The following CDK14 variants were observed in gnomAD, a reference collection of about 807,000 sequenced individuals.
CDK14 encodes the protein cyclin dependent kinase 14.
CDK14 carries 34 observed loss-of-function variants against 60.7 expected under a neutral mutation model. The observed-to-expected ratio is 0.56, with a 90% CI of 0.43 to 0.75. The LOEUF (loss-of-function observed/expected upper bound fraction) is 0.75. Among genes scored for constraint, CDK14 ranks in the 30% least tolerant of loss-of-function variants. The pLI, the probability that CDK14 is intolerant of heterozygous loss-of-function variation, is 0.00. For missense variants in CDK14, 482 were observed against 564.1 expected (o/e 0.85, Z 1.47); for synonymous variants, 197 against 203.7 (o/e 0.97, Z 0.28).
chr7:90,624,733 A>G (rs1464033360), intron 2 of CDK14, among the ~76,000 whole-genome samples: 5 of 152,224 alleles, frequency 3.3e-5, no homozygotes, highest in Non-Finnish European at 7.3e-5. Flanking sequence ...ACCACTTAGT[A>G]GCTTTGTTAC....
chr7:91,094,601 T>G (rs138451171), intron 12 of CDK14, among the ~76,000 whole-genome samples: 1 of 152,278 alleles, frequency 6.6e-6, no homozygotes, highest in East Asian at 1.9e-4. Flanking sequence ...TTTTCCTGTC[T>G]TCAGTTATTT....
chr7:90,757,706 T>G (rs1804140355), intron 4 of CDK14, among the ~76,000 whole-genome samples: 1 of 151,910 alleles, frequency 6.6e-6, no homozygotes, highest in African/African-American at 2.4e-5. Context: ...GCTTAACCGA[T>G]TCTCATGCCT....
intron 12 of CDK14, among the ~76,000 whole-genome samples, chr7:91,095,893 A>G (rs1798969259): frequency 6.6e-6 from 1 of 152,022 alleles, no homozygotes; most frequent in Admixed American, 6.6e-5. Flanking sequence ...TATTTTAATA[A>G]CAAAAATGTT....
At chr7:91,032,365 T>C (rs1213562818) in intron 10 of CDK14, among the ~76,000 whole-genome samples, 2 of 152,078 alleles carry the variant, frequency 1.3e-5, no homozygotes, top group African/African-American at 4.8e-5. Context: ...CTGTAGTAGG[T>C]TAAATAATGG....
chr7:90,985,549 C>T (rs969181396), intron 10 of CDK14, among the ~76,000 whole-genome samples: 4 of 152,192 alleles, frequency 2.6e-5, no homozygotes, highest in South Asian at 4.1e-4. Flanking sequence ...CAGAGTTAGA[C>T]AAATTAAGTA....
At chr7:90,656,675 G>A (rs751957959) in intron 2 of CDK14, among the ~76,000 whole-genome samples, 3 of 152,108 alleles carry the variant, frequency 2.0e-5, no homozygotes, top group Admixed American at 6.6e-5. Context: ...ACCGCGCCCC[G>A]CCTTCTCCTT....
chr7:90,801,067 C>G (rs555599580), intron 5 of CDK14, among the ~76,000 whole-genome samples: 1 of 152,316 alleles, frequency 6.6e-6, no homozygotes, highest in East Asian at 1.9e-4. Context: ...GCCCCATTTG[C>G]AAATAAGGTC....
chr7:90,967,001 A>G (rs1201170395), intron 9 of CDK14, among the ~76,000 whole-genome samples: 2 of 151,818 alleles, frequency 1.3e-5, no homozygotes, highest in African/African-American at 4.8e-5. Flanking sequence ...CACTTGGGAG[A>G]AGACAAATGC....
chr7:90,629,147 G>A, intron 2 of CDK14, among the ~76,000 whole-genome samples: 1 of 152,106 alleles, frequency 6.6e-6, no homozygotes, highest in Admixed American at 6.5e-5. Context: ...ACAAATGATA[G>A]TTATTATTAA....
rs142939944 is a variant in CDK14, at chr7:90,665,514, A to C, written c.124-61053A>C. ...AAATCCCCAGTAAGGCTGTGAGGGT[A>C]CAGTTTTTAACCTCAGTTTCAGTCC... is the stretch of plus-strand genomic sequence containing the variant. On this transcript the variant is annotated intron_variant, in intron 2 of 14. Transcript: ENST00000380050. 3.2e-4 allele frequency among the ~76,000 whole-genome samples: 48 copies of C among 152,296 alleles called. No homozygotes were observed. The East Asian group carries it at 8.9e-3, about 28-fold the overall frequency.
chr7:90,990,276 T>C (rs1795493623), intron 10 of CDK14, among the ~76,000 whole-genome samples: 1 of 152,144 alleles, frequency 6.6e-6, no homozygotes, highest in African/African-American at 2.4e-5. Context: ...AGACCCCGTC[T>C]CTAGAAAAGA....
In CDK14 at chr7:90,955,818, G is replaced by A; in HGVS notation, c.947+1G>A. ...AATATTCCACCTGCCTTGACATGTG[G>A]TGAGAAATGGAAGCTTTACTCTAGC... On this transcript the variant is annotated splice_donor_variant, in intron 9 of 14. Transcript: ENST00000380050. LOFTEE classifies it high-confidence loss of function. The A allele has an allele frequency of 7.4e-6, 12 of 1,612,770 alleles. No homozygotes were observed. Among genetic ancestry groups the A allele is most frequent in the Non-Finnish European group, 9.3e-6 (11 of 1,179,092 alleles).
chr7:90,596,621 C>G lies in CDK14; in HGVS notation c.-7C>G. On this transcript the variant is annotated 5_prime_UTR_variant, in exon 1 of 15. Transcript: ENST00000380050. Reference sequence around the variant, plus strand: ...TGGGGAAGTTGTCGGGGCTCCGCGTCGCCCAGATGTGTGACCTCATTGAGC... The same window carrying G: ...TGGGGAAGTTGTCGGGGCTCCGCGTGGCCCAGATGTGTGACCTCATTGAGC... The G allele has an allele frequency of 6.2e-7, 1 of 1,611,038 alleles. No individual in the cohort carries two copies. The highest frequency in any genetic ancestry group is 8.5e-7 in the Non-Finnish European group (1 of 1,178,604).
At chr7:90,971,728 C>CA (rs1794940412) in intron 9 of CDK14, among the ~76,000 whole-genome samples, 1 of 148,948 alleles carries the variant, frequency 6.7e-6, no homozygotes, top group Non-Finnish European at 1.5e-5. Context: ...GACCAGACAG[C>CA]AAAAATACAG....
rs1417222468 is a variant in CDK14, at chr7:90,674,173, A to G, written c.124-52394A>G. On this transcript the variant is annotated intron_variant, in intron 2 of 14. Transcript: ENST00000380050. ...TGAGAGGGCTACTTTTAAGGATAAA[A>G]CACTATTTTTAAGAATATGATTATC... Among the ~76,000 whole-genome samples, 4 of 152,208 alleles carry G rather than the reference A, an allele frequency of 2.6e-5. No homozygotes were observed. In the South Asian group the frequency reaches 6.2e-4, roughly 24 times the overall value.
chr7:91,022,657 A>C (rs1250527528), intron 10 of CDK14, among the ~76,000 whole-genome samples: 1 of 152,206 alleles, frequency 6.6e-6, no homozygotes, highest in African/African-American at 2.4e-5. Context: ...ATCTCCAGAG[A>C]TTGCACTGAA....
intron 14 of CDK14, among the ~76,000 whole-genome samples, chr7:91,177,326 A>G: frequency 7.1e-6 from 1 of 141,618 alleles, no homozygotes; most frequent in African/African-American, 2.6e-5. Flanking sequence ...AATAAGAGCT[A>G]TCTATGACAA....
At chr7:90,674,141 GTC>G (rs544110814) in intron 2 of CDK14, among the ~76,000 whole-genome samples, 155 of 152,304 alleles carry the variant, frequency 1.0e-3, no homozygotes, top group African/African-American at 3.4e-3. Context: ...TTCTGAATGA[GTC>G]TTAATGAGAG....
In CDK14 at chr7:90,833,505, C is replaced by T. The variant is rs114072746; in HGVS notation, c.545-29670C>T. Among the ~76,000 whole-genome samples, 1,161 of 152,262 alleles carry T rather than the reference C, an allele frequency of 7.6e-3. 9 individuals are homozygous for T. Among genetic ancestry groups the T allele is most frequent in the African/African-American group, 0.026 (1,074 of 41,564 alleles). On this transcript the variant is annotated intron_variant, in intron 5 of 14. Coordinates refer to ENST00000380050, the MANE Select transcript of CDK14 (RefSeq NM_001287135.2). The stretch of plus-strand genomic sequence containing the variant: ...AGGCATATTTTCTGTCTTCAAGTCT[C>T]TTGTGTCTAGTTCAAAAATGAAAAT...
Sources: gnomAD v4.1 joint callset for allele counts (sites outside exome capture counted in the v4.1 genomes callset) on GRCh38, gnomAD v4.1.1 for gene constraint, MANE v1.5 for transcripts, NCBI Gene and HGNC (gene_info 2026-07-23, HGNC 2026-07-21) for gene names.